CDH18: variants seen among roughly 807,000 people sequenced by gnomAD.
CDH18 encodes the protein cadherin 18, also known as cadherin-18.
CDH18 carries 31 observed loss-of-function variants against 67.9 expected under a neutral mutation model. The observed-to-expected ratio is 0.46, with a 90% CI of 0.34 to 0.62. The LOEUF (loss-of-function observed/expected upper bound fraction) is 0.62, where lower values mean the gene tolerates loss of function less well. Among genes scored for constraint, CDH18 ranks in the 20% least tolerant of loss-of-function variants. The probability of loss-of-function intolerance (pLI) is 0.01; values close to 1 mark genes in which losing one functional copy is unlikely to be tolerated. For missense variants in CDH18, 890 were observed against 975.5 expected, an observed-to-expected ratio of 0.91 and a Z score of 1.17; for synonymous variants, 362 against 347.2, an observed-to-expected ratio of 1.04 and a Z score of -0.48.
At chr5:19,987,637 T>TA (rs1799705925) in intron 1 of CDH18, among the ~76,000 whole-genome samples, 2 of 152,110 alleles carry the variant, frequency 1.3e-5, no homozygotes, top group South Asian at 4.1e-4. Context: ...AGGCAATAAT[T>TA]AAAAAAAGCA....
intron 3 of CDH18, among the ~76,000 whole-genome samples, chr5:19,824,906 T>G (rs1780251009): frequency 6.6e-6 from 1 of 152,196 alleles, no homozygotes; most frequent in Non-Finnish European, 1.5e-5. Context: ...AACCTTCTAT[T>G]GTCCCAGAAA....
chr5:19,882,503 T>C (rs1787762754), intron 2 of CDH18, among the ~76,000 whole-genome samples: 1 of 152,130 alleles, frequency 6.6e-6, no homozygotes, highest in South Asian at 2.1e-4. Context: ...TGTTTAAAAA[T>C]TGGAAATATT....
At chr5:20,346,903 T>C (rs1295749810) in intron 1 of CDH18, among the ~76,000 whole-genome samples, 1 of 152,156 alleles carries the variant, frequency 6.6e-6, no homozygotes, top group Non-Finnish European at 1.5e-5. Context: ...TAGATTTACT[T>C]GCCAATCAGG....
chr5:20,040,368 A>C (rs1460405883), intron 2 of CDH18, among the ~76,000 whole-genome samples: 7 of 152,126 alleles, frequency 4.6e-5, no homozygotes. Context: ...AGAGCCTCAG[A>C]GGCAGGAGAA....
intron 8 of CDH18, among the ~76,000 whole-genome samples, chr5:19,545,165 C>A (rs347745): frequency 0.11 from 16,410 of 152,176 alleles, 1,321 homozygotes; most frequent in African/African-American, 0.22. Context: ...TTTTAAATCT[C>A]AGCTTAAGTA....
At chr5:20,241,879 A>T (rs369968551) in intron 2 of CDH18, among the ~76,000 whole-genome samples, 51 of 85,468 alleles carry the variant, frequency 6.0e-4, no homozygotes, top group African/African-American at 2.6e-3. Flanking sequence ...AATAAAATAA[A>T]ATATATATAT....
rs376188248 is a variant in CDH18, at chr5:20,210,231, A to G, written c.-518+45213T>C. On this transcript the variant is annotated intron_variant, in intron 2 of 14. Coordinates refer to the CDH18 transcript ENST00000507958. ...AAGTAACTGAGTTTTAAATTTATCA[A>G]TTTTCTTGCTTTATCTACTTTCTAA... Among the ~76,000 whole-genome samples, 57 of 151,730 alleles carry G rather than the reference A, an allele frequency of 3.8e-4. 1 individual carries two copies. The South Asian group carries it at 0.011, about 29-fold the overall frequency.
intron 1 of CDH18, among the ~76,000 whole-genome samples, chr5:20,328,501 G>A (rs1224123664): frequency 6.7e-6 from 1 of 149,434 alleles, no homozygotes; most frequent in Non-Finnish European, 1.5e-5. Flanking sequence ...GTGTGTGTGT[G>A]TGTGTGTGAG....
chr5:19,892,284 C>T (rs952904432), intron 2 of CDH18, among the ~76,000 whole-genome samples: 1 of 151,902 alleles, frequency 6.6e-6, no homozygotes, highest in African/African-American at 2.4e-5. Flanking sequence ...GTTAGTTTAC[C>T]TTTGGGAGGA....
chr5:20,433,355 G>A (rs941707553), intron 1 of CDH18, among the ~76,000 whole-genome samples: 8 of 151,718 alleles, frequency 5.3e-5, no homozygotes, highest in African/African-American at 1.7e-4. Context: ...ATTTTTATTT[G>A]TATTTTAAAA....
intron 3 of CDH18, among the ~76,000 whole-genome samples, chr5:19,826,902 T>C (rs1780470970): frequency 6.6e-6 from 1 of 152,060 alleles, no homozygotes; most frequent in Non-Finnish European, 1.5e-5. Context: ...CGAATGTAAA[T>C]GGGCTGAATG....
chr5:19,803,143 C>T (rs954486809), intron 3 of CDH18, among the ~76,000 whole-genome samples: 2 of 152,206 alleles, frequency 1.3e-5, no homozygotes, highest in African/African-American at 4.8e-5. Context: ...CAAACTCGCA[C>T]ATTTATAAAT....
At chr5:20,354,994 T>C (rs1014364995) in intron 1 of CDH18, among the ~76,000 whole-genome samples, 1 of 152,142 alleles carries the variant, frequency 6.6e-6, no homozygotes, top group East Asian at 1.9e-4. Context: ...TACCGGGAAA[T>C]GTTCTTCCAA....
At chr5:20,092,899 T>G (rs1449369162) in intron 2 of CDH18, among the ~76,000 whole-genome samples, 1 of 152,138 alleles carries the variant, frequency 6.6e-6, no homozygotes, top group Non-Finnish European at 1.5e-5. Context: ...CTGACTGAGA[T>G]CACATTTGGT....
chr5:20,530,257 C>T (rs1009547570), intron 1 of CDH18, among the ~76,000 whole-genome samples: 2 of 151,894 alleles, frequency 1.3e-5, no homozygotes, highest in African/African-American at 4.8e-5. Context: ...GGTGGAAAAA[C>T]ATTCTATGCT....
At chr5:20,185,392 C>G (rs1480264303) in intron 2 of CDH18, among the ~76,000 whole-genome samples, 3 of 152,022 alleles carry the variant, frequency 2.0e-5, no homozygotes, top group African/African-American at 7.2e-5. Flanking sequence ...TGGGACACAA[C>G]TTATATTATG....
intron 1 of CDH18, among the ~76,000 whole-genome samples, chr5:20,319,988 C>A (rs892216135): frequency 4.6e-5 from 7 of 152,202 alleles, no homozygotes; most frequent in African/African-American, 1.7e-4. Flanking sequence ...ATTTTATATT[C>A]TCTCTGATTC....
At chr5:20,186,882 G>T (rs1228200260) in intron 2 of CDH18, among the ~76,000 whole-genome samples, 1 of 151,818 alleles carries the variant, frequency 6.6e-6, no homozygotes, top group African/African-American at 2.4e-5. Context: ...ACCAGAAAGT[G>T]GAAGCAAACC....
In CDH18 at chr5:20,199,764, A is replaced by G. The variant is rs560809938; in HGVS notation, c.-518+55680T>C. 2.0e-5 allele frequency among the ~76,000 whole-genome samples: 3 copies of G among 152,234 alleles called. No individual in the cohort carries two copies. In the East Asian group the frequency reaches 5.8e-4, roughly 29 times the overall value. On this transcript the variant is annotated intron_variant, in intron 2 of 14. Transcript: ENST00000507958. The stretch of plus-strand genomic sequence containing the variant: ...CCTTACATGTCATGGGAAGAACCCA[A>G]TAGGAGGTAATTGAATCATGGGGGT...
Sources: gnomAD v4.1 joint callset for allele counts (sites outside exome capture counted in the v4.1 genomes callset) on GRCh38, gnomAD v4.1.1 for gene constraint, MANE v1.5 for transcripts, NCBI Gene and HGNC (gene_info 2026-07-23, HGNC 2026-07-21) for gene names.